The following MKRN2OS variants were observed in gnomAD, a reference collection of about 807,000 sequenced individuals.
The protein encoded by MKRN2OS is MKRN2 opposite strand protein.
A neutral mutation model predicts 18.2 loss-of-function variants in MKRN2OS; 17 were observed. The observed-to-expected ratio is 0.93, with a 90% CI of 0.64 to 1.40. MKRN2OS has a LOEUF of 1.40. MKRN2OS is among the 40% of genes most tolerant of loss of function. MKRN2OS has a pLI of 0.00. For synonymous variants in MKRN2OS, 121 were observed against 108.5 expected (o/e 1.12, Z -0.72); for missense variants, 337 against 283.0 (o/e 1.19, Z -1.37).
intron 1 of MKRN2OS, among the ~76,000 whole-genome samples, chr3:12,556,127 C>T (rs2057968112): frequency 6.6e-6 from 1 of 152,200 alleles, no homozygotes. Flanking sequence ...AGGTGAATGA[C>T]ATGATCCGAT....
Position 12,539,985 on chromosome 3 carries a change from A to G in MKRN2OS, c.*208T>C, listed in dbSNP as rs1393206100. On this transcript the variant is annotated 3_prime_UTR_variant, in exon 4 of 4. Coordinates refer to ENST00000564146, the MANE Select transcript of MKRN2OS (RefSeq NM_001195279.2). ...TTTTTAGTAAGGACGGGGTTTCTCC[A>G]TGTTGGTCAGGCTGGTCTCAAACTC... The G allele has an allele frequency of 3.3e-6, 2 of 604,054 alleles. No homozygotes were observed. The highest frequency in any genetic ancestry group is 3.0e-5 in the East Asian group (1 of 32,860). The allele number at this position is 604,054 out of a possible 1,614,324, so 37.4% of individuals were successfully genotyped here.
intron 1 of MKRN2OS, among the ~76,000 whole-genome samples, chr3:12,544,304 C>T (rs961690014): frequency 6.6e-6 from 1 of 152,146 alleles, no homozygotes; most frequent in Admixed American, 6.5e-5. Context: ...CACCAACATT[C>T]TATGACCCAT....
upstream of MKRN2OS, among the ~76,000 whole-genome samples, chr3:12,548,906 T>C: frequency 6.6e-6 from 1 of 152,308 alleles, no homozygotes; most frequent in African/African-American, 2.4e-5. Context: ...AAATTGTAGT[T>C]TTTAAAAGAT....
intron 3 of MKRN2OS, among the ~76,000 whole-genome samples, chr3:12,540,745 G>A (rs575749594): frequency 7.2e-5 from 11 of 152,130 alleles, no homozygotes; most frequent in South Asian, 6.2e-4. Flanking sequence ...GGTGGTGCAC[G>A]CCTGTTGTCC....
chr3:12,557,311 T>G, intron 1 of MKRN2OS: 2 of 1,252,804 alleles, frequency 1.6e-6, no homozygotes, highest in South Asian at 1.6e-5. Context: ...GCGGCGGGGC[T>G]TTGCGAGGCA....
upstream of MKRN2OS, among the ~76,000 whole-genome samples, chr3:12,547,887 TCA>T (rs1432934948): frequency 6.6e-5 from 10 of 152,198 alleles, no homozygotes; most frequent in Non-Finnish European, 1.3e-4. Context: ...ATCATCAGAC[TCA>T]CAGAACTAGA....
upstream of MKRN2OS, among the ~76,000 whole-genome samples, chr3:12,548,442 C>T (rs9861785): frequency 0.63 from 82,787 of 131,212 alleles, 26,375 homozygotes; most frequent in African/African-American, 0.85. Context: ...AGCGAGACTC[C>T]GTCTCAAAAA....
intron 1 of MKRN2OS, among the ~76,000 whole-genome samples, chr3:12,560,407 C>T (rs1430896477): frequency 1.3e-5 from 2 of 151,688 alleles, no homozygotes; most frequent in South Asian, 2.1e-4. Context: ...GCTTCCTTCC[C>T]CCTCAGTGGA....
chr3:12,541,283 G>A (rs1011682151), intron 3 of MKRN2OS, among the ~76,000 whole-genome samples: 2 of 151,968 alleles, frequency 1.3e-5, no homozygotes, highest in Non-Finnish European at 2.9e-5. Context: ...GAGTGCAATC[G>A]TGTGATTTCA....
intron 3 of MKRN2OS, among the ~76,000 whole-genome samples, chr3:12,540,877 CAAAAAAAAAAA>C (rs11369647): frequency 2.6e-3 from 153 of 59,678 alleles, no homozygotes; most frequent in African/African-American, 7.3e-3. Context: ...GACTCCATCT[CAAAAAAAAAAA>C]AAAAAAAAAA....
intron 1 of MKRN2OS, among the ~76,000 whole-genome samples, chr3:12,559,623 A>T (rs2058019350): frequency 6.6e-6 from 1 of 152,212 alleles, no homozygotes; most frequent in Non-Finnish European, 1.5e-5. Context: ...AATGACAAAG[A>T]CACTCCATGT....
In MKRN2OS at chr3:12,545,312, T is replaced by C. The variant is rs1242715064; in HGVS notation, c.153A>G (p.Pro51=). The C allele has an allele frequency of 1.8e-5, 27 of 1,535,978 alleles. No individual in the cohort carries two copies. Among genetic ancestry groups the C allele is most frequent in the Non-Finnish European group, 2.6e-6 (3 of 1,146,896 alleles). The change falls in exon 1 of 4, where the codon CCA becomes CCG. Residue 51 remains proline (P), a synonymous_variant. Transcript: ENST00000564146. ...ATTTTTCTTGATGTCCATTAGTAAA[T>C]GGATTAGCGATGCTAACAGGTGCGT... ...LEDAPVSIAN[P]FTNGHQEKCS...
intron 1 of MKRN2OS, among the ~76,000 whole-genome samples, chr3:12,559,829 C>T (rs922785979): frequency 2.0e-5 from 3 of 152,192 alleles, no homozygotes; most frequent in Non-Finnish European, 4.4e-5. Context: ...AGCTTAGTAA[C>T]CAGTTTATTT....
chr3:12,560,408 C>G (rs536676967), intron 1 of MKRN2OS, among the ~76,000 whole-genome samples: 1 of 151,520 alleles, frequency 6.6e-6, no homozygotes, highest in Admixed American at 6.6e-5. Context: ...CTTCCTTCCC[C>G]CTCAGTGGAT....
upstream of MKRN2OS, among the ~76,000 whole-genome samples, chr3:12,547,914 T>A (rs543192333): frequency 1.1e-4 from 16 of 152,138 alleles, no homozygotes; most frequent in Non-Finnish European, 2.4e-4. Context: ...ACCTCAGAAA[T>A]CATTTCAACC....
At chr3:12,557,730 A>G (rs1219924075) in intron 1 of MKRN2OS, among the ~76,000 whole-genome samples, 2 of 152,234 alleles carry the variant, frequency 1.3e-5, no homozygotes, top group East Asian at 3.8e-4. Context: ...CATATTTCCA[A>G]GTCCTTTATA....
chr3:12,545,523 A>G (rs879258838), upstream of MKRN2OS: 67 of 1,311,076 alleles, frequency 5.1e-5, no homozygotes, highest in Admixed American at 1.3e-4. Context: ...TCCTCATTAT[A>G]CACCTGGCGA....
chr3:12,540,228 G>A lies in MKRN2OS; in HGVS notation c.637C>T (p.Gln213Ter), dbSNP rs1188486487. 6.5e-7 allele frequency: 1 copy of A among 1,536,056 alleles called. No homozygotes were observed. Among genetic ancestry groups the A allele is most frequent in the Non-Finnish European group, 8.7e-7 (1 of 1,146,928 alleles). Residue 213 changes from glutamine (Q) to a stop codon, truncating the protein, a stop_gained, in exon 4 of 4, where the codon CAG becomes TAG. Transcript: ENST00000564146. LOFTEE classifies it low-confidence loss of function (END_TRUNC). ...CCGCCGCCCTCAGGGGGTTGTGCCT[G>A]CTGCTGGGGACAGTCAGTGACGTAG... Reference protein sequence around the residue: ...GFYVTDCPQQQAQPPEGGGLC With the variant: ...GFYVTDCPQQ
At chr3:12,557,335 C>T (rs1184182939) in intron 1 of MKRN2OS, among the ~76,000 whole-genome samples, 1 of 152,216 alleles carries the variant, frequency 6.6e-6, no homozygotes, top group Non-Finnish European at 1.5e-5. Flanking sequence ...CGAGCGCTGC[C>T]GCCACAGCCG....
Sources: allele counts gnomAD v4.1 joint callset (sites outside exome capture counted in the v4.1 genomes callset), GRCh38; gene constraint gnomAD v4.1.1; transcripts MANE v1.5; gene names NCBI Gene and HGNC (gene_info 2026-07-23, HGNC 2026-07-21).